Variants in TUBGCP5 observed in about 807,000 individuals in gnomAD.
TUBGCP5 encodes gamma-tubulin complex component 5.
A neutral mutation model predicts 134.7 loss-of-function variants in TUBGCP5; 98 were observed. That is an observed-to-expected ratio of 0.73 (90% CI 0.62 to 0.86). TUBGCP5 has a LOEUF of 0.86. Among genes scored for constraint, TUBGCP5 ranks in the 40% least tolerant of loss-of-function variants. The probability of loss-of-function intolerance (pLI) is 0.00; values close to 1 mark genes in which losing one functional copy is unlikely to be tolerated. For synonymous variants in TUBGCP5, 456 were observed against 431.4 expected, an observed-to-expected ratio of 1.06 and a Z score of -0.71; for missense variants, 1,150 against 1,244.8, an observed-to-expected ratio of 0.92 and a Z score of 1.15.
At chr15:22,998,112 C>T (rs530140464), downstream of TUBGCP5, among the ~76,000 whole-genome samples, 5 of 152,004 alleles carry the variant, frequency 3.3e-5, no homozygotes, top group South Asian at 4.2e-4. Flanking sequence ...GCCAGGAGTT[C>T]GACACCAGTC....
chr15:23,030,299 C>T (rs974331591), intron 6 of TUBGCP5, among the ~76,000 whole-genome samples: 1 of 152,130 alleles, frequency 6.6e-6, no homozygotes, highest in Non-Finnish European at 1.5e-5. Context: ...TACAAAGCCA[C>T]ACAAATAAAA....
intron 19 of TUBGCP5, 197 bp from the exon 20 acceptor site, chr15:23,004,424 G>C: frequency 1.7e-6 from 1 of 587,026 alleles, no homozygotes; most frequent in South Asian, 2.5e-5. Context: ...AGGACGGCGG[G>C]GGCAATCCTG....
rs2066645962 is a variant in TUBGCP5 at position 23,037,274 on chromosome 15, T to TAC, written c.147-124_147-123dup. 9.9e-6 allele frequency: 9 copies of TAC among 905,454 alleles called. No homozygotes were observed. In the South Asian group the frequency reaches 1.5e-4, roughly 15 times the overall value. 56.1% of individuals were successfully genotyped at this position (905,454 alleles called of 1,614,324 possible). The stretch of plus-strand genomic sequence containing the variant: ...AGCTACACATTTCCAGAATGGAGTG[T>TAC]ACCTTGTCCTCCGTTACCTCCACCA... On this transcript the variant is annotated intron_variant, in intron 1 of 22. Transcript: ENST00000615383.
rs1204078726 is a variant in TUBGCP5 at position 23,005,586 on chromosome 15, G to A, written c.2558C>T (p.Pro853Leu). ...FGELVSTAEK[P>L]RLKEGLIHEQ... ...ATGTATAAGGCCTTCTTTAAGTCGT[G>A]GTTTTTCTGCAGTACTAACCAGTTC... The change falls in exon 19 of 23, where the codon CCA becomes CTA. Residue 853 changes from proline to leucine, a missense_variant. Pro to Leu is a moderately conservative substitution (Grantham distance 98). Around this residue, in one of 2 missense-constraint regions of TUBGCP5, gnomAD observed 697 missense variants for 850.1 expected, o/e 0.82. Transcript: ENST00000615383. The A allele has an allele frequency of 3.1e-6, 5 of 1,613,836 alleles. No homozygotes were observed. Among genetic ancestry groups the A allele is most frequent in the Admixed American group, 3.3e-5 (2 of 59,956 alleles).
chr15:23,004,039 A>G, intron 20 of TUBGCP5, 63 bp downstream of exon 20: 2 of 1,524,492 alleles, frequency 1.3e-6, no homozygotes, highest in Non-Finnish European at 1.8e-6. Context: ...ATAAAATTCC[A>G]AAGCACGCAG....
In TUBGCP5 at chr15:22,993,525, G is replaced by GTTTTTTTTTTTTTT. The variant is rs71414252; in HGVS notation, c.*61+3306_*61+3319dup. 9.4e-4 allele frequency among the ~76,000 whole-genome samples: 65 copies of GTTTTTTTTTTTTTT among 69,260 alleles called. 8 individuals are homozygous for GTTTTTTTTTTTTTT. The highest frequency in any genetic ancestry group is 3.8e-3 in the African/African-American group (63 of 16,728). 45.4% of individuals were successfully genotyped at this position (69,260 alleles called of 152,430 possible). ...TAATCCTCCCACCTCAGCCCCCGAA[G>GTTTTTTTTTTTTTT]TTTTTTTTTTTTTTTTTTTTTTTTT... is the stretch of plus-strand genomic sequence containing the variant. On this transcript the variant is annotated intron_variant and NMD_transcript_variant, in intron 23 of 23. Coordinates refer to the TUBGCP5 transcript ENST00000614508.
Position 23,013,461 on chromosome 15 carries a change from G to A in TUBGCP5, c.1757-2130C>T, listed in dbSNP as rs147660951. ...ACTCCGTCTCAAAAAAAAAAGATCC[G>A]ACTGGAGTTGAAGGGCGAGTGCTGG... On this transcript the variant is annotated intron_variant, in intron 13 of 22. Coordinates refer to ENST00000615383, the MANE Select transcript of TUBGCP5 (RefSeq NM_052903.6). This position sits in a 1 kb window ranked among gnomAD's most constrained non-coding sequence, Gnocchi z 4.5. Among the ~76,000 whole-genome samples, 8 of 152,086 alleles carry A rather than the reference G, an allele frequency of 5.3e-5. No homozygotes were observed. The East Asian group carries it at 7.8e-4, about 15-fold the overall frequency.
chr15:22,992,910 A>G (rs1416766835), intron 23 of TUBGCP5, among the ~76,000 whole-genome samples: 1 of 152,098 alleles, frequency 6.6e-6, no homozygotes, highest in Non-Finnish European at 1.5e-5. Context: ...GGGTATAGTA[A>G]AATGTGAGAG....
intron 22 of TUBGCP5, chr15:23,000,309 C>T: frequency 1.6e-6 from 2 of 1,272,648 alleles, no homozygotes; most frequent in Non-Finnish European, 2.0e-6. Context: ...ATCTATTCTG[C>T]CATCAACTTT....
At chr15:23,026,285 TAGTGCTAACTTAAGTAGCAATCAACTAAC>T (rs1753972501) in intron 7 of TUBGCP5, 80 bp from the exon 8 acceptor site, 1 of 1,254,952 alleles carries the variant, frequency 8.0e-7, no homozygotes, top group South Asian at 1.2e-5. Flanking sequence ...ATCTGCAATT[TAGTGCTAACTTAAGTAGCAATCAACTAAC>T]AAGTATACAT....
Position 23,022,090 on chromosome 15 carries a change from T to C in TUBGCP5, c.1240A>G (p.Lys414Glu). 1.2e-6 allele frequency: 2 copies of C among 1,614,210 alleles called. No individual in the cohort carries two copies. Among genetic ancestry groups the C allele is most frequent in the Non-Finnish European group, 1.7e-6 (2 of 1,180,034 alleles). The change falls in exon 11 of 23, where the codon AAA (lysine) becomes GAA (glutamate). Residue 414 changes from lysine to glutamate, a missense_variant. By Grantham distance (56) the Lys-to-Glu change is moderately conservative. Coordinates refer to ENST00000615383, the MANE Select transcript of TUBGCP5 (RefSeq NM_052903.6). ...TCTGCTACTCCAGTACTAAACACTT[T>C]GTGCAGAACCTTGAGCTGAGACAAT... The part of the protein sequence containing the change: ...PRLSQLKVLH[K>E]VFSTGVAEVP...
chr15:23,039,239 C>T (rs908240783), intron 1 of TUBGCP5, among the ~76,000 whole-genome samples, 159 bp downstream of exon 1: 1 of 151,796 alleles, frequency 6.6e-6, no homozygotes, highest in Non-Finnish European at 1.5e-5. Flanking sequence ...CGCTGGCCGG[C>T]GGGGAGCAGG....
downstream of TUBGCP5, among the ~76,000 whole-genome samples, chr15:22,996,131 A>T (rs185198919): frequency 1.7e-4 from 26 of 152,342 alleles, no homozygotes; most frequent in Admixed American, 1.5e-3. Context: ...CCTAAGGGTG[A>T]ACTGCTGCTT....
intron 8 of TUBGCP5, among the ~76,000 whole-genome samples, chr15:23,025,447 G>C (rs530323786): frequency 6.6e-6 from 1 of 152,156 alleles, no homozygotes; most frequent in African/African-American, 2.4e-5. Flanking sequence ...CCAGGACTTG[G>C]AATTTCAGTA....
downstream of TUBGCP5, among the ~76,000 whole-genome samples, chr15:22,995,583 A>AC (rs1009041458): frequency 6.6e-5 from 10 of 151,854 alleles, no homozygotes; most frequent in East Asian, 1.7e-3. Flanking sequence ...TCAAAAAAAA[A>AC]AAAAAACAAA....
At chr15:22,996,673 A>C (rs1008028944), downstream of TUBGCP5, among the ~76,000 whole-genome samples, 3 of 152,156 alleles carry the variant, frequency 2.0e-5, no homozygotes, top group African/African-American at 7.2e-5. Context: ...TTTTTAGTAG[A>C]GATGGAGTTT....
In TUBGCP5 at chr15:23,039,480, G is replaced by T; in HGVS notation, c.64C>A (p.Leu22Ile). 6.5e-7 allele frequency: 1 copy of T among 1,529,316 alleles called. No homozygotes were observed. Among genetic ancestry groups the T allele is most frequent in the Non-Finnish European group, 8.8e-7 (1 of 1,134,254 alleles). The allele number at this position is 1,529,316 out of a possible 1,614,324, so 94.7% of individuals were successfully genotyped here. The change falls in exon 1 of 23, where the codon CTC becomes ATC. Residue 22 changes from leucine (L) to isoleucine (I), a missense_variant. Leu to Ile is a conservative substitution (Grantham distance 5). Coordinates refer to ENST00000615383, the MANE Select transcript of TUBGCP5 (RefSeq NM_052903.6). ...TGGAGGCCGGCGACACCCCGGACGA[G>T]CTCCCGCACGTCGCGCTCCTGCTGC... ...DAQQERDVRE[L>I]VRGVAGLQDE...
chr15:22,983,891 G>A (rs1468490182), intron 23 of TUBGCP5, among the ~76,000 whole-genome samples: 1 of 152,142 alleles, frequency 6.6e-6, no homozygotes. Context: ...GGGAGGCCGA[G>A]GCAGTGGATT....
chr15:22,985,908 C>T (rs761494073), intron 23 of TUBGCP5, among the ~76,000 whole-genome samples: 18 of 151,328 alleles, frequency 1.2e-4, no homozygotes, highest in Non-Finnish European at 2.1e-4. Flanking sequence ...CCGAGATGGG[C>T]GGATCACAAG....
Sources: gnomAD v4.1 joint callset for allele counts (sites outside exome capture counted in the v4.1 genomes callset) on GRCh38, gnomAD v4.1.1 for gene constraint, gnomAD v4.1.1 regional missense constraint, Gnocchi (gnomAD v3.1) non-coding constraint, MANE v1.5 for transcripts, NCBI Gene and HGNC (gene_info 2026-07-23, HGNC 2026-07-21) for gene names.